GPBP1L1: variants seen among roughly 807,000 people sequenced by gnomAD.
GPBP1L1 encodes GC-rich promoter binding protein 1 like 1.
In GPBP1L1, 23 loss-of-function variants were observed where a neutral mutation model predicts 52.5. The ratio of observed to expected loss-of-function variants is 0.44; its 90% CI spans 0.32 to 0.62. GPBP1L1 has a LOEUF of 0.62. Among genes scored for constraint, GPBP1L1 ranks in the 20% least tolerant of loss-of-function variants. The pLI, the probability that GPBP1L1 is intolerant of heterozygous loss-of-function variation, is 0.06. For missense variants in GPBP1L1, 596 were observed against 579.3 expected (o/e 1.03, Z -0.30); for synonymous variants, 243 against 203.1 (o/e 1.20, Z -1.67).
rs191871666 is a variant in GPBP1L1 at position 45,685,378 on chromosome 1, T to G, written c.-1098+198A>C. ...CATGAACCACTATTATTAACTGTAT[T>G]TTTCTGGTAAGCAATAAATGTCAAT... On this transcript the variant is annotated intron_variant, in intron 2 of 12. Transcript: ENST00000355105. 1.8e-3 allele frequency among the ~76,000 whole-genome samples: 276 copies of G among 152,318 alleles called. 1 individual carries two copies. Among genetic ancestry groups the G allele is most frequent in the African/African-American group, 6.5e-3 (269 of 41,566 alleles).
chr1:45,645,801 A>C, intron 6 of GPBP1L1: 1 of 383,758 alleles, frequency 2.6e-6, no homozygotes, highest in South Asian at 2.1e-5. Context: ...TTATTTGTAA[A>C]TATGTATTGC....
chr1:45,687,401 C>G (rs2148536628), upstream of GPBP1L1: 1 of 152,470 alleles, frequency 6.6e-6, no homozygotes, highest in African/African-American at 2.4e-5. Context: ...GCACGGAAAG[C>G]TAAACCGTGT....
chr1:45,636,646 T>G (rs1344900185), intron 8 of GPBP1L1, among the ~76,000 whole-genome samples: 2 of 152,204 alleles, frequency 1.3e-5, no homozygotes, highest in African/African-American at 4.8e-5. Flanking sequence ...TGTACTACTG[T>G]TTTTAAACGT....
chr1:45,668,105 A>AAAATTACC (rs2148497268), intron 2 of GPBP1L1, among the ~76,000 whole-genome samples: 1 of 152,158 alleles, frequency 6.6e-6, no homozygotes, highest in African/African-American at 2.4e-5. Context: ...TCACCCATTT[A>AAAATTACC]TTCCTCAACC....
rs1240720417 is a variant in GPBP1L1, at chr1:45,640,219, A to T, written c.735T>A (p.Pro245=). ...YKNLVPKPVP[P]PSKPNAWKAN... is the part of the protein sequence containing the mutation. ...TGATTCTAAATCATACCTTGGAAGG[A>T]GGTGGTACAGGCTTAGGAACCAGGT... The change falls in exon 8 of 13, where the codon CCT becomes CCA. Residue 245 remains proline (P), a synonymous_variant. Coordinates refer to ENST00000355105, the MANE Select transcript of GPBP1L1 (RefSeq NM_021639.5). 1.9e-6 allele frequency: 3 copies of T among 1,612,702 alleles called. No individual in the cohort carries two copies. Among genetic ancestry groups the T allele is most frequent in the East Asian group, 2.2e-5 (1 of 44,890 alleles).
intron 2 of GPBP1L1, among the ~76,000 whole-genome samples, chr1:45,661,457 CTTT>C (rs201763349): frequency 2.1e-5 from 3 of 142,288 alleles, no homozygotes. Flanking sequence ...AGAGTTTGCT[CTTT>C]TTTTTTTTTT....
chr1:45,636,741 C>G (rs1421029164), intron 8 of GPBP1L1, among the ~76,000 whole-genome samples: 2 of 152,202 alleles, frequency 1.3e-5, no homozygotes, highest in East Asian at 3.8e-4. Context: ...TTAGCAAAAT[C>G]TAATAACTTG....
intron 6 of GPBP1L1, among the ~76,000 whole-genome samples, chr1:45,653,542 A>G (rs1005100429): frequency 1.3e-5 from 2 of 151,888 alleles, no homozygotes; most frequent in Non-Finnish European, 2.9e-5. Context: ...AATTTTTTAT[A>G]GAGACAAGGA....
chr1:45,684,976 T>C (rs1411996052), intron 2 of GPBP1L1, among the ~76,000 whole-genome samples: 3 of 152,168 alleles, frequency 2.0e-5, no homozygotes, highest in African/African-American at 7.2e-5. Context: ...TTTAAATAGA[T>C]ACAGGCTTCA....
intron 8 of GPBP1L1, 29 bp from the exon 9 acceptor site, chr1:45,634,265 A>G: frequency 6.3e-7 from 1 of 1,581,580 alleles, no homozygotes; most frequent in Non-Finnish European, 8.6e-7. Flanking sequence ...CAAATCAGTC[A>G]GAACAAGCAC....
intron 2 of GPBP1L1, among the ~76,000 whole-genome samples, chr1:45,684,808 C>G: frequency 6.6e-6 from 1 of 151,708 alleles, no homozygotes; most frequent in East Asian, 1.9e-4. Flanking sequence ...AATTTAACAA[C>G]AACAACAAAA....
In GPBP1L1 at chr1:45,629,454, T is replaced by TTCCCCC. The variant is rs758811981; in HGVS notation, c.1272+121_1272+122insGGGGGA. The stretch of plus-strand genomic sequence containing the variant: ...CCCCACTACATTTCTACTAAGGTAA[T>TTCCCCC]CCCCCCCCCCCCCACCCGATCTTTC... On this transcript the variant is annotated intron_variant, in intron 12 of 12. Coordinates refer to ENST00000355105, the MANE Select transcript of GPBP1L1 (RefSeq NM_021639.5). 5.0e-4 allele frequency: 59 copies of TTCCCCC among 117,616 alleles called. 5 individuals are homozygous for TTCCCCC. Among genetic ancestry groups the TTCCCCC allele is most frequent in the South Asian group, 1.1e-3 (11 of 10,420 alleles). 7.3% of individuals were successfully genotyped at this position (117,616 alleles called of 1,614,324 possible).
In GPBP1L1 at chr1:45,633,591, C is replaced by T. The variant is rs773964516; in HGVS notation, c.942G>A (p.Leu314=). 1.2e-6 allele frequency: 2 copies of T among 1,613,498 alleles called. No homozygotes were observed. The highest frequency in any genetic ancestry group is 2.2e-5 in the East Asian group (1 of 44,848). ...TCTTCCTGTCGGTGGTTCGGCGGGT[C>T]AACTTGGTCAGACGAGAGGAGCTGA... ...IEISSSRLTK[L]TRRTTDRKSE... Residue 314 remains leucine, a synonymous_variant, in exon 10 of 13, where the codon TTG becomes TTA. Coordinates refer to ENST00000355105, the MANE Select transcript of GPBP1L1 (RefSeq NM_021639.5).
At chr1:45,653,795 T>A (rs1287373403) in intron 6 of GPBP1L1, among the ~76,000 whole-genome samples, 2 of 150,310 alleles carry the variant, frequency 1.3e-5, no homozygotes, top group East Asian at 3.9e-4. Context: ...GCCACCTGGG[T>A]TCACGTGATT....
intron 2 of GPBP1L1, among the ~76,000 whole-genome samples, chr1:45,681,310 T>A (rs1645210001): frequency 6.6e-6 from 1 of 152,130 alleles, no homozygotes; most frequent in Non-Finnish European, 1.5e-5. Flanking sequence ...AAATCAAATC[T>A]CAATCTAAGC....
At chr1:45,651,291 G>A in intron 6 of GPBP1L1, 1 of 392,346 alleles carries the variant, frequency 2.5e-6, no homozygotes, top group Admixed American at 3.3e-5. Flanking sequence ...ATGCAGTAAG[G>A]GACCCCCATT....
intron 12 of GPBP1L1, 111 bp from the exon 13 acceptor site, chr1:45,628,519 G>T: frequency 1.0e-6 from 1 of 953,446 alleles, no homozygotes; most frequent in Non-Finnish European, 1.5e-6. Context: ...AGAATGTGGG[G>T]CGGGGGGTGC....
chr1:45,678,020 T>C (rs1167548487), intron 2 of GPBP1L1, among the ~76,000 whole-genome samples: 1 of 152,148 alleles, frequency 6.6e-6, no homozygotes, highest in African/African-American at 2.4e-5. Flanking sequence ...ACAACATGGA[T>C]GAACCTTCAT....
At chr1:45,668,388 T>G (rs183722203) in intron 2 of GPBP1L1, among the ~76,000 whole-genome samples, 4 of 152,298 alleles carry the variant, frequency 2.6e-5, no homozygotes, top group Non-Finnish European at 5.9e-5. Context: ...GTGCAGTGGC[T>G]CACGCCTGTC....
Sources: gnomAD v4.1 joint callset for allele counts (sites outside exome capture counted in the v4.1 genomes callset) on GRCh38, gnomAD v4.1.1 for gene constraint, MANE v1.5 for transcripts, NCBI Gene and HGNC (gene_info 2026-07-23, HGNC 2026-07-21) for gene names.